Variants in NCOA2 observed in about 807,000 individuals in gnomAD.
NCOA2 encodes nuclear receptor coactivator 2.
NCOA2 carries 21 observed loss-of-function variants against 145.1 expected under a neutral mutation model. The ratio of observed to expected loss-of-function variants is 0.14; its 90% CI spans 0.10 to 0.21. NCOA2 has a LOEUF of 0.21. NCOA2 is among the 10% of genes least tolerant of loss of function. The pLI, the probability that NCOA2 is intolerant of heterozygous loss-of-function variation, is 1.00. For synonymous variants in NCOA2, 619 were observed against 637.5 expected, an observed-to-expected ratio of 0.97 and a Z score of 0.44; for missense variants, 1,472 against 1,837.6, an observed-to-expected ratio of 0.80 and a Z score of 3.64.
the NCOA2 span, among the ~76,000 whole-genome samples, chr8:70,445,496 G>T: frequency 1.6e-4 from 25 of 152,232 alleles, no homozygotes; most frequent in African/African-American, 5.8e-4. Context: ...TGATCTCACT[G>T]AGAAAAAAAT....
At chr8:70,391,681 C>G (rs1813219443) in intron 1 of NCOA2, among the ~76,000 whole-genome samples, 1 of 152,196 alleles carries the variant, frequency 6.6e-6, no homozygotes. Context: ...GGACAACTGG[C>G]TTAGACTCTA....
chr8:70,334,006 T>C (rs1807335053), intron 1 of NCOA2, among the ~76,000 whole-genome samples: 1 of 152,202 alleles, frequency 6.6e-6, no homozygotes, highest in African/African-American at 2.4e-5. Context: ...TGCTTTTCAC[T>C]CTTCAATAGC....
intron 4 of NCOA2, among the ~76,000 whole-genome samples, chr8:70,205,559 T>C (rs1818345749): frequency 6.6e-6 from 1 of 151,530 alleles, no homozygotes; most frequent in Non-Finnish European, 1.5e-5. Flanking sequence ...TGATACTCCA[T>C]CAGGATGGCC....
intron 5 of NCOA2, among the ~76,000 whole-genome samples, chr8:70,171,875 G>A (rs1563565535): frequency 6.6e-6 from 1 of 152,176 alleles, no homozygotes; most frequent in Non-Finnish European, 1.5e-5. Context: ...ATAGGCTGGG[G>A]TGCAATGGCA....
intron 4 of NCOA2, among the ~76,000 whole-genome samples, chr8:70,182,228 C>A (rs967157114): frequency 2.6e-5 from 4 of 152,218 alleles, no homozygotes; most frequent in African/African-American, 9.6e-5. Context: ...GTGGGAGGAA[C>A]CTAAGCCGCA....
intron 4 of NCOA2, among the ~76,000 whole-genome samples, chr8:70,199,484 G>C (rs1330820514): frequency 6.6e-6 from 1 of 151,222 alleles, no homozygotes; most frequent in East Asian, 1.9e-4. Context: ...AGAGAGGGAT[G>C]GTCAACAGAG....
intron 2 of NCOA2, among the ~76,000 whole-genome samples, chr8:70,225,555 AAAAAGAAAAGAAAAGAAAG>A (rs1198922936): frequency 6.6e-6 from 1 of 151,892 alleles, no homozygotes; most frequent in Non-Finnish European, 1.5e-5. Flanking sequence ...TCTCAAAAAA[AAAAAGAAAAGAAAAGAAAG>A]AAAAGAAAAG....
At chr8:70,294,617 T>C (rs1304622823) in intron 2 of NCOA2, among the ~76,000 whole-genome samples, 2 of 152,240 alleles carry the variant, frequency 1.3e-5, no homozygotes, top group East Asian at 3.8e-4. Flanking sequence ...TTTAAATTAA[T>C]TTTGAAGTCT....
intron 12 of NCOA2, among the ~76,000 whole-genome samples, chr8:70,145,979 G>GT (rs918712994): frequency 2.6e-5 from 4 of 152,112 alleles, no homozygotes; most frequent in Admixed American, 2.6e-4. Flanking sequence ...TTAAACCAGT[G>GT]TTTTTTTCAC....
chr8:70,426,382 C>T, the NCOA2 span, among the ~76,000 whole-genome samples: 1 of 152,184 alleles, frequency 6.6e-6, no homozygotes, highest in African/African-American at 2.4e-5. Context: ...AGGTATTACA[C>T]TTTATATATT....
In NCOA2 at chr8:70,177,834, A is replaced by G. The variant is rs140716044; in HGVS notation, c.260-2975T>C. On this transcript the variant is annotated intron_variant, in intron 4 of 22. Coordinates refer to ENST00000452400, the MANE Select transcript of NCOA2 (RefSeq NM_006540.4). ...AACCCTGTGCCTATCGCTGATCACT[A>G]GAAAACATCAGCCTATTTGGCACAT... Among the ~76,000 whole-genome samples the G allele has an allele frequency of 3.6e-4, 55 of 152,338 alleles. No individual in the cohort carries two copies. In the East Asian group the frequency reaches 0.01, roughly 28 times the overall value.
At chr8:70,305,515 C>T (rs1367180130) in intron 1 of NCOA2, among the ~76,000 whole-genome samples, 1 of 152,110 alleles carries the variant, frequency 6.6e-6, no homozygotes, top group African/African-American at 2.4e-5. Context: ...TATCTAAAGT[C>T]AAAAAACTTA....
In NCOA2 at chr8:70,144,856, G is replaced by A; in HGVS notation, c.2606-8C>T. 2 of 1,609,454 alleles carry A rather than the reference G, an allele frequency of 1.2e-6. No individual in the cohort carries two copies. The highest frequency in any genetic ancestry group is 1.1e-5 in the South Asian group (1 of 90,994). ...GTCGTGGGTTATTAAAAGCTAAGGA[G>A]AAAACAAATGAAAATTGAAGGTTAA... is the stretch of plus-strand genomic sequence containing the variant. On this transcript the variant is annotated splice_region_variant and splice_polypyrimidine_tract_variant and intron_variant, in intron 12 of 22. Transcript: ENST00000452400.
At chr8:70,139,302 T>C (rs1810104063) in intron 14 of NCOA2, among the ~76,000 whole-genome samples, 1 of 152,210 alleles carries the variant, frequency 6.6e-6, no homozygotes, top group South Asian at 2.1e-4. Flanking sequence ...TATAGAGCCA[T>C]ATTTCCAGCT....
At chr8:70,126,462 AAT>A in intron 19 of NCOA2, 1 of 247,868 alleles carries the variant, frequency 4.0e-6, no homozygotes, top group South Asian at 1.3e-4. Flanking sequence ...GAGGCTTTCA[AAT>A]ATATAAACAT....
intron 21 of NCOA2, 73 bp from the exon 22 acceptor site, chr8:70,121,464 G>A (rs1261581619): frequency 1.5e-5 from 18 of 1,182,274 alleles, no homozygotes; most frequent in African/African-American, 4.5e-5. Context: ...ACAAGTGGCC[G>A]CCGCCCTTCC....
At chr8:70,342,035 C>A (rs1051559816) in intron 1 of NCOA2, among the ~76,000 whole-genome samples, 5 of 152,088 alleles carry the variant, frequency 3.3e-5, no homozygotes, top group African/African-American at 1.2e-4. Flanking sequence ...AAAAATGCTG[C>A]TAGGATTTGA....
chr8:70,378,698 T>C (rs1238827383), intron 1 of NCOA2, among the ~76,000 whole-genome samples: 1 of 138,788 alleles, frequency 7.2e-6, no homozygotes, highest in Non-Finnish European at 1.5e-5. Context: ...CAAATGAGAA[T>C]GCAAGTTATT....
intron 1 of NCOA2, among the ~76,000 whole-genome samples, chr8:70,337,230 T>C (rs1438717470): frequency 6.7e-6 from 1 of 150,068 alleles, no homozygotes; most frequent in Non-Finnish European, 1.5e-5. Flanking sequence ...TGTGTGTGTG[T>C]GGTGTAACAC....
Sources: allele counts gnomAD v4.1 joint callset (sites outside exome capture counted in the v4.1 genomes callset), GRCh38; gene constraint gnomAD v4.1.1; transcripts MANE v1.5; gene names NCBI Gene and HGNC (gene_info 2026-07-23, HGNC 2026-07-21).